USP50: variants seen among roughly 807,000 people sequenced by gnomAD.
The protein encoded by USP50 is ubiquitin specific peptidase 50.
A neutral mutation model predicts 39.2 loss-of-function variants in USP50; 37 were observed. That is an observed-to-expected ratio of 0.94 (90% confidence interval 0.73 to 1.24). USP50 has a LOEUF of 1.24. Ranked by LOEUF, USP50 falls within the 50% of genes most tolerant of loss-of-function variation. The pLI is 0.00. For synonymous variants in USP50, 139 were observed against 144.5 expected (o/e 0.96, Z 0.27); for missense variants, 374 against 398.2 (o/e 0.94, Z 0.52).
At chr15:50,498,130 A>G (rs913502071), downstream of USP50, among the ~76,000 whole-genome samples, 2 of 152,188 alleles carry the variant, frequency 1.3e-5, no homozygotes, top group Non-Finnish European at 2.9e-5. Flanking sequence ...CATTGTTTTG[A>G]TGTTTAAAGG....
downstream of USP50, chr15:50,493,312 T>C: frequency 1.9e-6 from 1 of 520,646 alleles, no homozygotes; most frequent in South Asian, 1.4e-5. Context: ...TGGTAACCTA[T>C]GAATAAGTAA....
chr15:50,500,039 A>G (rs1328696519), downstream of USP50: 1 of 152,140 alleles, frequency 6.6e-6, no homozygotes, highest in Non-Finnish European at 1.5e-5. Context: ...CTTATAATTT[A>G]TTTAACCGAG....
intron 3 of USP50, among the ~76,000 whole-genome samples, 198 bp from the exon 4 acceptor site, chr15:50,541,462 G>A (rs761966120): frequency 1.7e-4 from 26 of 152,112 alleles, no homozygotes; most frequent in Admixed American, 3.3e-4. Flanking sequence ...GCAGTGAGCC[G>A]TGTTAGCACT....
chr15:50,509,151 A>T (rs1018006985), intron 6 of USP50: 1 of 146,326 alleles, frequency 6.8e-6, no homozygotes, highest in Non-Finnish European at 1.5e-5. Flanking sequence ...AAAAAAAAAA[A>T]AAAAAAAAAA....
chr15:50,495,287 CATAT>C (rs1175825603), intron 1 of USP50, among the ~76,000 whole-genome samples: 9 of 2,132 alleles, frequency 4.2e-3, no homozygotes, highest in Non-Finnish European at 7.9e-3. Context: ...TATACACATA[CATAT>C]ATACATATAT....
chr15:50,529,947 GTGTGAAATACAAAGTAAGCT>G lies in USP50; in HGVS notation c.804-38_804-19del, dbSNP rs1364081890. The G allele has an allele frequency of 6.2e-7, 1 of 1,611,818 alleles. No homozygotes were observed. The highest frequency in any genetic ancestry group is 8.5e-7 in the Non-Finnish European group (1 of 1,179,332). ...TGTCAAACCTGCAGGTATAATAAAT[GTGTGAAATACAAAGTAAGCT>G]TGTGAACCACTCATTTGTCTACATG... On this transcript the variant is annotated intron_variant, in intron 5 of 6. Coordinates refer to ENST00000532404, the MANE Select transcript of USP50 (RefSeq NM_203494.5).
At chr15:50,498,684 G>T (rs1211588467), downstream of USP50, 5 of 1,612,144 alleles carry the variant, frequency 3.1e-6, no homozygotes, top group African/African-American at 5.3e-5. Flanking sequence ...GTATGTTATT[G>T]GTCCAAAGAA....
chr15:50,542,426 C>T (rs190009947), intron 3 of USP50, among the ~76,000 whole-genome samples: 69 of 143,898 alleles, frequency 4.8e-4, no homozygotes, highest in South Asian at 4.5e-3. Flanking sequence ...CCACTCACCT[C>T]TTTTCTTAAA....
At chr15:50,495,724 G>A (rs1193203648), downstream of USP50, 2 of 745,448 alleles carry the variant, frequency 2.7e-6, no homozygotes, top group East Asian at 5.5e-5. Context: ...AGTGAGATCA[G>A]AACTCCTTTA....
At chr15:50,531,340 TA>T (rs2052938894) in intron 5 of USP50, among the ~76,000 whole-genome samples, 3 of 152,124 alleles carry the variant, frequency 2.0e-5, no homozygotes, top group South Asian at 2.1e-4. Context: ...GGTGGAGACA[TA>T]AGCAACTATG....
At position 50,543,667 on chromosome 15, in the gene USP50, T is replaced by G; in HGVS notation, c.375A>C (p.Lys125Asn). 2 of 1,613,682 alleles carry G rather than the reference T, an allele frequency of 1.2e-6. No homozygotes were observed. The highest frequency in any genetic ancestry group is 2.2e-5 in the South Asian group (2 of 90,956). The change falls in exon 3 of 7, where the codon AAA becomes AAC. Residue 125 changes from lysine to asparagine, a missense_variant. Lys to Asn is a moderately conservative substitution (Grantham distance 94). Transcript: ENST00000532404. ...ALGNLYPAFT[K>N]KMQQDAQEFL... is the part of the protein sequence containing the mutation. ...ATTCCTGAGCATCTTGTTGCATCTT[T>G]TTCGTAAATGCTGGGTAGAGGTTGC... is the stretch of plus-strand genomic sequence containing the variant.
downstream of USP50, chr15:50,498,552 G>A: frequency 1.9e-6 from 3 of 1,548,344 alleles, no homozygotes; most frequent in East Asian, 2.3e-5. Context: ...GATTCATCCT[G>A]GTATCTTCCT....
At chr15:50,542,950 C>T (rs1287676223) in intron 3 of USP50, among the ~76,000 whole-genome samples, 1 of 152,124 alleles carries the variant, frequency 6.6e-6, no homozygotes, top group Non-Finnish European at 1.5e-5. Flanking sequence ...GTCAAGGACA[C>T]ATTTTCAGAG....
At chr15:50,530,601 A>G (rs983427556) in intron 5 of USP50, among the ~76,000 whole-genome samples, 2 of 152,154 alleles carry the variant, frequency 1.3e-5, no homozygotes, top group Non-Finnish European at 2.9e-5. Context: ...AAAAATAAAA[A>G]AAAAAAGTAA....
intron 5 of USP50, chr15:50,531,897 G>C: frequency 4.0e-6 from 1 of 253,006 alleles, no homozygotes; most frequent in Non-Finnish European, 8.0e-6. Context: ...AGAATTAACC[G>C]AAAGGAAAAT....
chr15:50,517,925 G>A (rs1315764357), intron 6 of USP50, among the ~76,000 whole-genome samples: 1 of 152,128 alleles, frequency 6.6e-6, no homozygotes, highest in Non-Finnish European at 1.5e-5. Context: ...CACCATGGCT[G>A]GTCTCTAACT....
At chr15:50,546,345 T>A in intron 1 of USP50, 128 bp downstream of exon 1, 1 of 912,662 alleles carries the variant, frequency 1.1e-6, no homozygotes. Context: ...TTCCTTCCTT[T>A]CCGGGGACCT....
At chr15:50,521,681 A>T (rs925790479) in intron 6 of USP50, among the ~76,000 whole-genome samples, 7 of 152,156 alleles carry the variant, frequency 4.6e-5, no homozygotes, top group African/African-American at 1.4e-4. Context: ...TCAGAAATGA[A>T]GCCGAGTACA....
At chr15:50,518,571 AAT>A (rs2052822489) in intron 6 of USP50, among the ~76,000 whole-genome samples, 1 of 152,052 alleles carries the variant, frequency 6.6e-6, no homozygotes, top group South Asian at 2.1e-4. Context: ...CACCTGCTTC[AAT>A]AAATTGTACT....
Sources: allele counts gnomAD v4.1 joint callset (sites outside exome capture counted in the v4.1 genomes callset), GRCh38; gene constraint gnomAD v4.1.1; transcripts MANE v1.5; gene names NCBI Gene and HGNC (gene_info 2026-07-23, HGNC 2026-07-21).